The following ADCY5 variants were observed in gnomAD, a reference collection of about 807,000 sequenced individuals.
ADCY5 encodes the protein adenylate cyclase type 5.
Under a neutral mutation model 119.7 loss-of-function variants are expected in ADCY5, and 30 were observed. That is an observed-to-expected ratio of 0.25 (90% CI 0.19 to 0.34). The LOEUF is 0.34. Among genes scored for constraint, ADCY5 ranks in the 10% least tolerant of loss-of-function variants. The pLI is 1.00. For synonymous variants in ADCY5, 753 were observed against 762.2 expected (o/e 0.99, Z 0.20); for missense variants, 1,324 against 1,775.2 (o/e 0.75, Z 4.57).
At chr3:123,402,048 G>A (rs1944770951) in intron 1 of ADCY5, among the ~76,000 whole-genome samples, 1 of 152,148 alleles carries the variant, frequency 6.6e-6, no homozygotes, top group East Asian at 1.9e-4. Context: ...GACCAGTGCT[G>A]GGCACCCCTG....
In ADCY5 at chr3:123,413,371, G is replaced by A. The variant is rs1333884872; in HGVS notation, c.1134+34041C>T. On this transcript the variant is annotated intron_variant, in intron 1 of 20. Transcript: ENST00000462833. ...AGGCCCCTGGGTGGGCTGGGCCCAA[G>A]GAAGGGTGGTTGATTTCTGGAGGCC... is the stretch of plus-strand genomic sequence containing the variant. 2.0e-5 allele frequency among the ~76,000 whole-genome samples: 3 copies of A among 152,214 alleles called. No individual in the cohort carries two copies. In the East Asian group the frequency reaches 5.8e-4, roughly 29 times the overall value.
At chr3:123,391,673 A>C (rs1290511700) in intron 1 of ADCY5, among the ~76,000 whole-genome samples, 4 of 152,230 alleles carry the variant, frequency 2.6e-5, no homozygotes, top group Non-Finnish European at 5.9e-5. Flanking sequence ...CAATGGGCTT[A>C]GCTTTTCCAG....
chr3:123,329,284 G>A (rs1472757460), intron 5 of ADCY5, among the ~76,000 whole-genome samples: 1 of 152,148 alleles, frequency 6.6e-6, no homozygotes, highest in African/African-American at 2.4e-5. Flanking sequence ...GCAGGGTGAT[G>A]GCAAAAGCTG....
chr3:123,431,682 A>T (rs978812505), intron 1 of ADCY5, among the ~76,000 whole-genome samples: 4 of 152,224 alleles, frequency 2.6e-5, no homozygotes, highest in Admixed American at 2.6e-4. Context: ...ATTGCTGGTG[A>T]TAAGAGCAAC....
chr3:123,396,705 AGG>A, intron 1 of ADCY5, among the ~76,000 whole-genome samples: 1 of 144,472 alleles, frequency 6.9e-6, no homozygotes, highest in Non-Finnish European at 1.5e-5. Context: ...AGAGAGAGGG[AGG>A]GAGGGAGAGA....
At chr3:123,430,370 G>A (rs1945498482) in intron 1 of ADCY5, among the ~76,000 whole-genome samples, 1 of 152,104 alleles carries the variant, frequency 6.6e-6, no homozygotes. Flanking sequence ...AAGCTTGCCT[G>A]GCTCCCGGAC....
chr3:123,436,606 T>C (rs1165689913), intron 1 of ADCY5, among the ~76,000 whole-genome samples: 1 of 152,044 alleles, frequency 6.6e-6, no homozygotes, highest in Admixed American at 6.5e-5. Flanking sequence ...CTTGGGAGGC[T>C]GAAGCAGGAG....
intron 9 of ADCY5, 145 bp from the exon 10 acceptor site, chr3:123,319,963 CTG>C (rs2108346076): frequency 8.6e-7 from 1 of 1,160,682 alleles, no homozygotes; most frequent in East Asian, 2.6e-5. Flanking sequence ...GGAGCTGAGA[CTG>C]AGACCAGAAG....
At chr3:123,373,509 C>A (rs1478395034) in intron 1 of ADCY5, among the ~76,000 whole-genome samples, 1 of 152,198 alleles carries the variant, frequency 6.6e-6, no homozygotes, top group African/African-American at 2.4e-5. Context: ...GATTCTCACG[C>A]CCCCATCCAT....
intron 1 of ADCY5, among the ~76,000 whole-genome samples, chr3:123,402,132 G>A (rs1259421858): frequency 2.0e-5 from 3 of 152,192 alleles, no homozygotes; most frequent in South Asian, 2.1e-4. Flanking sequence ...CATGGCCCTC[G>A]TCTCTCTATG....
At chr3:123,285,924 G>GA (rs772977350) in intron 20 of ADCY5, among the ~76,000 whole-genome samples, 1 of 152,214 alleles carries the variant, frequency 6.6e-6, no homozygotes, top group Non-Finnish European at 1.5e-5. Flanking sequence ...CCCTGTGGGG[G>GA]AGAGAAGTCA....
intron 17 of ADCY5, among the ~76,000 whole-genome samples, chr3:123,293,813 C>T (rs1266367238): frequency 1.2e-4 from 19 of 152,032 alleles, no homozygotes; most frequent in African/African-American, 1.4e-4. Flanking sequence ...CACGTTTCCA[C>T]GTACGTTTCC....
intron 1 of ADCY5, among the ~76,000 whole-genome samples, chr3:123,356,568 C>G (rs188514407): frequency 2.6e-4 from 39 of 152,280 alleles, no homozygotes; most frequent in South Asian, 8.3e-4. Flanking sequence ...AATTAACTCA[C>G]AATGGTTCAG....
intron 1 of ADCY5, among the ~76,000 whole-genome samples, chr3:123,380,999 C>T (rs1438940671): frequency 4.6e-5 from 7 of 152,186 alleles, no homozygotes; most frequent in Non-Finnish European, 8.8e-5. Flanking sequence ...GGGCAAGTTA[C>T]TTAACCTGTC....
chr3:123,448,623 C>G lies in ADCY5; in HGVS notation c.-78G>C, dbSNP rs1316039856. 5.7e-6 allele frequency: 7 copies of G among 1,233,000 alleles called. No homozygotes were observed. The highest frequency in any genetic ancestry group is 6.1e-6 in the Non-Finnish European group (6 of 981,584). The allele number at this position is 1,233,000 out of a possible 1,614,324, so 76.4% of individuals were successfully genotyped here. ...GGTCTCCAAGGGGAGGGCGGACGGC[C>G]GAGCAGGGGGACCAGGCTAGGGTCA... On this transcript the variant is annotated 5_prime_UTR_variant, in exon 1 of 21. Coordinates refer to ENST00000462833, the MANE Select transcript of ADCY5 (RefSeq NM_183357.3).
Position 123,286,245 on chromosome 3 carries a change from G to C in ADCY5, c.3657+440C>G, listed in dbSNP as rs1351748815. Among the ~76,000 whole-genome samples the C allele has an allele frequency of 6.6e-6, 1 of 152,190 alleles. No homozygotes were observed. Among genetic ancestry groups the C allele is most frequent in the Non-Finnish European group, 1.5e-5 (1 of 68,030 alleles). On this transcript the variant is annotated intron_variant, in intron 20 of 20. Coordinates refer to ENST00000462833, the MANE Select transcript of ADCY5 (RefSeq NM_183357.3). The surrounding 1 kb of genome is among the most constrained non-coding windows in gnomAD (Gnocchi z 4.2). ...AGGGCCCTTGGCTGCTGGGGCTGGGGGAGGTACCATCCCAGGGCCAGCAGC... is the reference window on the plus strand; with the variant it reads ...AGGGCCCTTGGCTGCTGGGGCTGGGCGAGGTACCATCCCAGGGCCAGCAGC...
At chr3:123,368,752 C>CAAA (rs34756449) in intron 1 of ADCY5, among the ~76,000 whole-genome samples, 59 of 134,240 alleles carry the variant, frequency 4.4e-4, no homozygotes, top group Non-Finnish European at 6.0e-4. Context: ...ACTGTGTCTC[C>CAAA]AAAAAAAAAA....
At chr3:123,428,170 G>C (rs942610215) in intron 1 of ADCY5, among the ~76,000 whole-genome samples, 1 of 152,086 alleles carries the variant, frequency 6.6e-6, no homozygotes, top group African/African-American at 2.4e-5. Flanking sequence ...TAGCACTCCC[G>C]GTCCCTGGAG....
In ADCY5 at chr3:123,339,528, C is replaced by T. The variant is rs563028205; in HGVS notation, c.1407-6853G>A. On this transcript the variant is annotated intron_variant, in intron 3 of 20. Transcript: ENST00000462833. ...TGGGAGCCTGCTGGACACAGAATGC[C>T]TGCACAAAGTCCACCAACAGGGAGA... 2.0e-5 allele frequency among the ~76,000 whole-genome samples: 3 copies of T among 152,316 alleles called. No homozygotes were observed. The South Asian group carries it at 6.2e-4, about 32-fold the overall frequency.
Sources: gnomAD v4.1 joint callset for allele counts (sites outside exome capture counted in the v4.1 genomes callset) on GRCh38, gnomAD v4.1.1 for gene constraint, Gnocchi (gnomAD v3.1) non-coding constraint, MANE v1.5 for transcripts, NCBI Gene and HGNC (gene_info 2026-07-23, HGNC 2026-07-21) for gene names.